Variants in CDH24 observed in about 807,000 individuals in gnomAD.
The protein encoded by CDH24 is cadherin 24, also known as cadherin-24.
CDH24 carries 61 observed loss-of-function variants against 71.2 expected under a neutral mutation model. The observed-to-expected ratio is 0.86, with a 90% CI of 0.70 to 1.06. The LOEUF is 1.06. Ranked by LOEUF, CDH24 falls within the 50% of genes least tolerant of loss-of-function variation. CDH24 has a pLI of 0.00. For synonymous variants in CDH24, 440 were observed against 470.2 expected, an observed-to-expected ratio of 0.94 and a Z score of 0.83; for missense variants, 961 against 1,083.7, an observed-to-expected ratio of 0.89 and a Z score of 1.59.
rs111407353 is a variant in CDH24 at position 23,052,593 on chromosome 14, G to T, written c.1243C>A (p.His415Asn). 4.8e-5 allele frequency: 77 copies of T among 1,613,828 alleles called. No individual in the cohort carries two copies. The highest frequency in any genetic ancestry group is 4.3e-4 in the African/African-American group (32 of 75,036). ...GAGAAGCAACGCTCCGGATCTGAGT[G>T]GGGGAGGATGGAGTATCTGGGGAAG... ...ASPIRYSILPHSDPERCFSIQ... is the reference protein window; with the variant it reads ...ASPIRYSILPNSDPERCFSIQ... The change falls in exon 8 of 13, where the codon CAC (histidine) becomes AAC (asparagine). Residue 415 changes from histidine to asparagine, a missense_variant. His to Asn is a moderately conservative substitution (Grantham distance 68, BLOSUM62 1). Coordinates refer to ENST00000487137, the MANE Select transcript of CDH24 (RefSeq NM_144985.4).
chr14:23,048,995 G>A (rs778683269), intron 11 of CDH24, 32 bp downstream of exon 11: 18 of 1,594,038 alleles, frequency 1.1e-5, no homozygotes, highest in Admixed American at 1.7e-5. Flanking sequence ...GGCCCAGATC[G>A]CACAGCTATG....
Position 23,048,127 on chromosome 14 carries a change from G to A in CDH24, c.2199C>T (p.Arg733=), listed in dbSNP as rs142024705. 6.4e-6 allele frequency: 9 copies of A among 1,399,848 alleles called. No homozygotes were observed. The highest frequency in any genetic ancestry group is 1.5e-5 in the African/African-American group (1 of 65,330). 86.7% of individuals were successfully genotyped at this position (1,399,848 alleles called of 1,614,324 possible). The part of the protein sequence containing the change: ...DSVQVYGYEG[R]GSSCGSLSSL... Reference sequence around the variant, plus strand: ...AGCTGAGGGAGCCGCAAGAGGAGCCGCGGCCCTCGTAGCCGTACACCTGCA... The same window carrying A: ...AGCTGAGGGAGCCGCAAGAGGAGCCACGGCCCTCGTAGCCGTACACCTGCA... Residue 733 remains arginine, a synonymous_variant, in exon 12 of 13, where the codon CGC becomes CGT. Coordinates refer to ENST00000487137, the MANE Select transcript of CDH24 (RefSeq NM_144985.4).
chr14:23,054,407 G>A lies in CDH24; in HGVS notation c.785-79C>T. The A allele has an allele frequency of 6.4e-7, 1 of 1,551,016 alleles. No individual in the cohort carries two copies. Among genetic ancestry groups the A allele is most frequent in the Non-Finnish European group, 8.7e-7 (1 of 1,146,106 alleles). ...CTCCCCACAGCACTTTATTCTCCCA[G>A]GATCTGGCTGGGGAGGAGGCGAGGA... On this transcript the variant is annotated intron_variant, in intron 5 of 12. Coordinates refer to ENST00000487137, the MANE Select transcript of CDH24 (RefSeq NM_144985.4). The surrounding 1 kb of genome is among the most constrained non-coding windows in gnomAD (Gnocchi z 5.2).
In CDH24 at chr14:23,055,405, TAA is replaced by T; in HGVS notation, c.202-54_202-53del. 6.3e-7 allele frequency: 1 copy of T among 1,590,920 alleles called. No homozygotes were observed. Among genetic ancestry groups the T allele is most frequent in the Non-Finnish European group, 8.6e-7 (1 of 1,164,804 alleles). ...AGGGCTCCAAGTACAGAGACAGGGT[TAA>T]AGAGTCTAGGTTTGGGTAGAGCGTT... On this transcript the variant is annotated intron_variant, in intron 2 of 12. Transcript: ENST00000487137. The surrounding 1 kb of genome is among the most constrained non-coding windows in gnomAD (Gnocchi z 4.1).
At position 23,048,374 on chromosome 14, in the gene CDH24, C is replaced by A; in HGVS notation, c.1952G>T (p.Gly651Val). The A allele has an allele frequency of 6.2e-7, 1 of 1,612,428 alleles. No individual in the cohort carries two copies. The highest frequency in any genetic ancestry group is 8.5e-7 in the Non-Finnish European group (1 of 1,179,572). Residue 651 changes from glycine to valine, a missense_variant, in exon 12 of 13, where the codon GGC (glycine) becomes GTC (valine). Around this residue, in one of 2 missense-constraint regions of CDH24, gnomAD observed 290 missense variants for 272.8 expected, o/e 1.06. Transcript: ENST00000487137. Reference protein sequence around the residue: ...RENIITYDDEGGGEEDTEAFD... With the variant: ...RENIITYDDEVGGEEDTEAFD... ...GGCCTCGGTGTCCTCCTCGCCGCCG[C>A]CCTCGTCGTCGTAGGTGATGATGTT... is the stretch of plus-strand genomic sequence containing the variant.
rs1475834713 is a variant in CDH24 at position 23,048,234 on chromosome 14, C to CG, written c.2091dup (p.Gly698ArgfsTer159). Reference sequence around the variant, plus strand: ...AGGAGCTGCGCCACGTCGGCGGGGCCGGGGGGTCTGGGCTGGCGCGACACC... The same window carrying CG: ...AGGAGCTGCGCCACGTCGGCGGGGCCGGGGGGGTCTGGGCTGGCGCGACACC... On this transcript the variant is annotated frameshift_variant, in exon 12 of 13. Coordinates refer to ENST00000487137, the MANE Select transcript of CDH24 (RefSeq NM_144985.4). LOFTEE classifies it high-confidence loss of function. 3.8e-6 allele frequency: 5 copies of CG among 1,327,886 alleles called. 1 individual carries two copies. The Middle Eastern group carries it at 8.6e-4, about 228-fold the overall frequency. The allele number at this position is 1,327,886 out of a possible 1,614,324, so 82.3% of individuals were successfully genotyped here.
In CDH24 at chr14:23,055,435, G is replaced by A; in HGVS notation, c.202-82C>T. 1.3e-6 allele frequency: 2 copies of A among 1,583,860 alleles called. No homozygotes were observed. Among genetic ancestry groups the A allele is most frequent in the Non-Finnish European group, 8.6e-7 (1 of 1,161,296 alleles). On this transcript the variant is annotated intron_variant, in intron 2 of 12. Transcript: ENST00000487137. This position sits in a 1 kb window ranked among gnomAD's most constrained non-coding sequence, Gnocchi z 4.1. ...AGTCTAGGTTTGGGTAGAGCGTTGG[G>A]AGTCCTGAGGGACCAAGGTCATTGC...
chr14:23,049,323 G>A (rs928595445), intron 10 of CDH24, 48 bp from the exon 11 acceptor site: 1 of 1,516,126 alleles, frequency 6.6e-7, no homozygotes, highest in Non-Finnish European at 8.9e-7. Flanking sequence ...CACCTTCCAG[G>A]TAGGGTTGGT....
Position 23,054,016 on chromosome 14 carries a change from T to A in CDH24, c.972+125A>T. On this transcript the variant is annotated intron_variant, in intron 6 of 12. Coordinates refer to ENST00000487137, the MANE Select transcript of CDH24 (RefSeq NM_144985.4). This position sits in a 1 kb window ranked among gnomAD's most constrained non-coding sequence, Gnocchi z 5.2. ...GGGCCTCATCTGAAGGATGAGGAGG[T>A]GACCATGATCTCTAAGCTCCAACAG... 1 of 1,074,260 alleles carries A rather than the reference T, an allele frequency of 9.3e-7. No individual in the cohort carries two copies. Among genetic ancestry groups the A allele is most frequent in the Non-Finnish European group, 1.3e-6 (1 of 754,932 alleles). The allele number at this position is 1,074,260 out of a possible 1,614,324, so 66.5% of individuals were successfully genotyped here.
chr14:23,056,315 C>T (rs977205189), intron 1 of CDH24, among the ~76,000 whole-genome samples: 1 of 152,128 alleles, frequency 6.6e-6, no homozygotes, highest in African/African-American at 2.4e-5. Flanking sequence ...TGTGAAAGTC[C>T]CTCCCCACAA....
Position 23,050,053 on chromosome 14 carries a change from G to T in CDH24, c.1364-110C>A, listed in dbSNP as rs928556250. 5 of 1,420,986 alleles carry T rather than the reference G, an allele frequency of 3.5e-6. No homozygotes were observed. In the African/African-American group the frequency reaches 7.1e-5, roughly 20 times the overall value. The allele number at this position is 1,420,986 out of a possible 1,614,324, so 88.0% of individuals were successfully genotyped here. ...CACATGAAGCATATAGCATGCACAA[G>T]AAACACATGAAATATGCATGTAATG... On this transcript the variant is annotated intron_variant, in intron 8 of 12. Coordinates refer to ENST00000487137, the MANE Select transcript of CDH24 (RefSeq NM_144985.4).
intron 11 of CDH24, among the ~76,000 whole-genome samples, chr14:23,048,686 C>A (rs2047061686): frequency 1.3e-5 from 2 of 152,204 alleles, no homozygotes; most frequent in Non-Finnish European, 2.9e-5. Flanking sequence ...CCTCAATTTG[C>A]CCCTTAGATT....
Position 23,054,986 on chromosome 14 carries a change from C to A in CDH24, c.496+73G>T. 1 of 1,589,400 alleles carries A rather than the reference C, an allele frequency of 6.3e-7. No individual in the cohort carries two copies. Among genetic ancestry groups the A allele is most frequent in the Non-Finnish European group, 8.6e-7 (1 of 1,164,996 alleles). On this transcript the variant is annotated intron_variant, in intron 3 of 12. Transcript: ENST00000487137. The surrounding 1 kb of genome is among the most constrained non-coding windows in gnomAD (Gnocchi z 5.2). ...TGAAGGGGGCAGGTTCTGGGGCAGA[C>A]AACAAGAAGGGAAGGAGAGGTGAGA...
intron 8 of CDH24, chr14:23,052,072 C>T: frequency 1.3e-6 from 2 of 1,557,956 alleles, no homozygotes; most frequent in Non-Finnish European, 1.7e-6. Context: ...CTTTCTGGCC[C>T]CCAGCTCCAG....
rs1482471989 is a variant in CDH24, at chr14:23,047,743, C to T, written c.*237G>A. The T allele has an allele frequency of 3.2e-5, 11 of 346,462 alleles. No homozygotes were observed. The highest frequency in any genetic ancestry group is 1.3e-4 in the South Asian group (1 of 7,970). 21.5% of individuals were successfully genotyped at this position (346,462 alleles called of 1,614,324 possible). On this transcript the variant is annotated 3_prime_UTR_variant, in exon 12 of 13. Transcript: ENST00000487137. ...AGGGCCAGGGCAGGAAACCCAGGCC[C>T]GGACAGAGGAGCGTGTCACAGATAG...
Position 23,048,102 on chromosome 14 carries a change from A to G in CDH24, c.2224T>C (p.Ser742Pro). 7.1e-7 allele frequency: 1 copy of G among 1,409,144 alleles called. No individual in the cohort carries two copies. Among genetic ancestry groups the G allele is most frequent in the Non-Finnish European group, 9.2e-7 (1 of 1,087,776 alleles). The allele number at this position is 1,409,144 out of a possible 1,614,324, so 87.3% of individuals were successfully genotyped here. A position where few individuals can be genotyped will look rare whatever the true frequency, so the allele number is the denominator to read the frequency against. ...GRGSSCGSLSSLGSGSEAGGA... is the reference protein window; with the variant it reads ...GRGSSCGSLSPLGSGSEAGGA... ...CCGGCTTCGCTGCCGGAGCCCAGGG[A>G]GCTGAGGGAGCCGCAAGAGGAGCCG... is the stretch of plus-strand genomic sequence containing the variant. The change falls in exon 12 of 13, where the codon TCC becomes CCC. Residue 742 changes from serine (S) to proline (P), a missense_variant. Coordinates refer to ENST00000487137, the MANE Select transcript of CDH24 (RefSeq NM_144985.4).
In CDH24 at chr14:23,048,021, G is replaced by A. The variant is rs1423327761; in HGVS notation, c.2305C>T (p.Leu769=). 1.4e-6 allele frequency: 2 copies of A among 1,445,010 alleles called. No individual in the cohort carries two copies. Among genetic ancestry groups the A allele is most frequent in the South Asian group, 1.3e-5 (1 of 75,650 alleles). The allele number at this position is 1,445,010 out of a possible 1,614,324, so 89.5% of individuals were successfully genotyped here. ...LDDWGPLFRT[L]AELYGAKEPP... Reference sequence around the variant, plus strand: ...TCCTTGGCCCCATACAGCTCGGCCAGGGTGCGGAAGAGCGGACCCCAGTCG... The same window carrying A: ...TCCTTGGCCCCATACAGCTCGGCCAAGGTGCGGAAGAGCGGACCCCAGTCG... Residue 769 remains leucine, a synonymous_variant, in exon 12 of 13, where the codon CTG becomes TTG. Transcript: ENST00000487137.
At position 23,054,786 on chromosome 14, in the gene CDH24, G is replaced by C. The variant is rs1425828685; in HGVS notation, c.577C>G (p.Leu193Val). 6.2e-7 allele frequency: 1 copy of C among 1,613,990 alleles called. No individual in the cohort carries two copies. Among genetic ancestry groups the C allele is most frequent in the Non-Finnish European group, 8.5e-7 (1 of 1,180,030 alleles). ...GNSAKLVYTV[L>V]DGLPFFSVDP... ...ACAGAGAAGAAAGGCAGTCCATCCA[G>C]AACAGTGTACACCAGCTTGGCACTG... The change falls in exon 4 of 13, where the codon CTG becomes GTG. Residue 193 changes from leucine to valine, a missense_variant. Physicochemically the swap from Leu to Val is conservative, Grantham distance 32. Coordinates refer to ENST00000487137, the MANE Select transcript of CDH24 (RefSeq NM_144985.4). This position sits in a 1 kb window ranked among gnomAD's most constrained non-coding sequence, Gnocchi z 5.2.
chr14:23,053,398 A>G (rs1243949012), intron 7 of CDH24, 98 bp downstream of exon 7: 1 of 1,339,288 alleles, frequency 7.5e-7, no homozygotes, highest in East Asian at 2.6e-5. Flanking sequence ...TTGCTGGGAT[A>G]TGAGTGATTT....
Sources: allele counts gnomAD v4.1 joint callset (sites outside exome capture counted in the v4.1 genomes callset), GRCh38; gene constraint gnomAD v4.1.1; regional missense constraint gnomAD v4.1.1; non-coding constraint Gnocchi (gnomAD v3.1); transcripts MANE v1.5; gene names NCBI Gene and HGNC (gene_info 2026-07-23, HGNC 2026-07-21).